KCNB2: variants seen among roughly 807,000 people sequenced by gnomAD.
KCNB2 encodes delayed rectifier potassium channel protein.
Under a neutral mutation model 61.5 loss-of-function variants are expected in KCNB2, and 15 were observed. The ratio of observed to expected loss-of-function variants is 0.24; its 90% CI spans 0.16 to 0.38. The LOEUF is 0.38. Among genes scored for constraint, KCNB2 ranks in the 10% least tolerant of loss-of-function variants. KCNB2 has a pLI of 1.00. For synonymous variants in KCNB2, 457 were observed against 446.0 expected (o/e 1.02, Z -0.31); for missense variants, 828 against 1,125.2 (o/e 0.74, Z 3.78).
In KCNB2 at chr8:72,540,805, G is replaced by A. The variant is rs952033710; in HGVS notation, c.-94+2920G>A. On this transcript the variant is annotated intron_variant, in intron 1 of 2. Coordinates refer to ENST00000523207, the MANE Select transcript of KCNB2 (RefSeq NM_004770.3). ...AAACCCTCTTATATTATCTTAAAAAGTGCGTATTCCTATAGGTTGAATTTT... is the reference window on the plus strand; with the variant it reads ...AAACCCTCTTATATTATCTTAAAAAATGCGTATTCCTATAGGTTGAATTTT... 9.2e-5 allele frequency among the ~76,000 whole-genome samples: 14 copies of A among 152,062 alleles called. 1 individual carries two copies. Among genetic ancestry groups the A allele is most frequent in the Non-Finnish European group, 2.9e-5 (2 of 67,964 alleles).
chr8:72,695,408 G>A (rs1257257521), intron 2 of KCNB2, among the ~76,000 whole-genome samples: 1 of 152,080 alleles, frequency 6.6e-6, no homozygotes, highest in Non-Finnish European at 1.5e-5. Context: ...TTCAAAATTA[G>A]GGACCAGGTA....
intron 2 of KCNB2, among the ~76,000 whole-genome samples, chr8:72,896,824 A>G (rs948530604): frequency 1.3e-5 from 2 of 152,128 alleles, no homozygotes; most frequent in African/African-American, 4.8e-5. Flanking sequence ...TCAAGAAATG[A>G]GTCATTCATA....
intron 2 of KCNB2, among the ~76,000 whole-genome samples, chr8:72,796,114 C>CATTA (rs1246894688): frequency 6.6e-6 from 1 of 152,206 alleles, no homozygotes; most frequent in Non-Finnish European, 1.5e-5. Flanking sequence ...GCATGCCTTA[C>CATTA]ATTAGGCAGC....
intron 2 of KCNB2, among the ~76,000 whole-genome samples, chr8:72,690,653 A>C (rs1239002380): frequency 6.6e-6 from 1 of 152,238 alleles, no homozygotes; most frequent in African/African-American, 2.4e-5. Flanking sequence ...ACTTTAAACA[A>C]CTTACCACAA....
chr8:72,741,619 C>T (rs1807961559), intron 2 of KCNB2, among the ~76,000 whole-genome samples: 1 of 151,916 alleles, frequency 6.6e-6, no homozygotes, highest in Admixed American at 6.6e-5. Context: ...ATTTTTATGC[C>T]TTTGCATCCT....
At chr8:72,588,838 G>A (rs1035616193) in intron 2 of KCNB2, among the ~76,000 whole-genome samples, 46 of 152,260 alleles carry the variant, frequency 3.0e-4, no homozygotes, top group African/African-American at 1.0e-3. Flanking sequence ...CAAGGCTGCT[G>A]TGAACTATGA....
At chr8:72,851,826 G>GACAAAAAAA (rs1810116075) in intron 2 of KCNB2, among the ~76,000 whole-genome samples, 1 of 43,868 alleles carries the variant, frequency 2.3e-5, no homozygotes, top group Admixed American at 4.2e-4. Flanking sequence ...GAAGCTGTAG[G>GACAAAAAAA]AAAAAAAAAA....
chr8:72,765,281 C>T (rs1336983062), intron 2 of KCNB2, among the ~76,000 whole-genome samples: 1 of 152,160 alleles, frequency 6.6e-6, no homozygotes, highest in Non-Finnish European at 1.5e-5. Context: ...CCTGTGAAGC[C>T]TTCAGATGGA....
At chr8:72,691,010 A>C (rs191239331) in intron 2 of KCNB2, among the ~76,000 whole-genome samples, 18 of 152,326 alleles carry the variant, frequency 1.2e-4, no homozygotes, top group Non-Finnish European at 2.2e-4. Context: ...TGCTGCATCA[A>C]TGGAGCCAAG....
intron 2 of KCNB2, among the ~76,000 whole-genome samples, chr8:72,911,894 CAT>C (rs1048729374): frequency 2.6e-5 from 4 of 152,180 alleles, no homozygotes; most frequent in African/African-American, 7.2e-5. Flanking sequence ...GGAACTAACA[CAT>C]GTCAAGTATT....
intron 2 of KCNB2, among the ~76,000 whole-genome samples, chr8:72,591,745 G>C (rs1284156521): frequency 6.6e-6 from 1 of 152,136 alleles, no homozygotes; most frequent in Non-Finnish European, 1.5e-5. Flanking sequence ...ATGGATTGAA[G>C]ATATTGTCAT....
chr8:72,828,950 G>C (rs199593649), intron 2 of KCNB2, among the ~76,000 whole-genome samples: 4 of 152,094 alleles, frequency 2.6e-5, no homozygotes, highest in Non-Finnish European at 5.9e-5. Flanking sequence ...GTTGACCTGT[G>C]TGCATTTATG....
intron 2 of KCNB2, among the ~76,000 whole-genome samples, chr8:72,796,194 GT>G (rs1347836016): frequency 6.6e-6 from 1 of 152,152 alleles, no homozygotes; most frequent in Admixed American, 6.6e-5. Flanking sequence ...GTTCAGGTTT[GT>G]TTGTCGTGGG....
chr8:72,798,486 T>A (rs1161740390), intron 2 of KCNB2, among the ~76,000 whole-genome samples: 1 of 152,122 alleles, frequency 6.6e-6, no homozygotes, highest in Non-Finnish European at 1.5e-5. Flanking sequence ...GTGGCCCTTC[T>A]ACTTCTACCT....
chr8:72,645,105 C>G (rs1436166362), intron 2 of KCNB2, among the ~76,000 whole-genome samples: 1 of 152,076 alleles, frequency 6.6e-6, no homozygotes, highest in South Asian at 2.1e-4. Flanking sequence ...TGATGCAGTC[C>G]ATTGCCAATG....
intron 2 of KCNB2, among the ~76,000 whole-genome samples, chr8:72,670,400 A>G (rs1806544981): frequency 2.0e-5 from 3 of 152,218 alleles, no homozygotes; most frequent in South Asian, 4.1e-4. Flanking sequence ...CATTTATTGT[A>G]GAATATCTGA....
At chr8:72,684,803 G>A (rs531611938) in intron 2 of KCNB2, among the ~76,000 whole-genome samples, 2 of 152,296 alleles carry the variant, frequency 1.3e-5, no homozygotes, top group African/African-American at 4.8e-5. Flanking sequence ...AAGTCACTGA[G>A]TAGATTTCTG....
intron 2 of KCNB2, among the ~76,000 whole-genome samples, chr8:72,727,441 C>T (rs955009621): frequency 3.3e-5 from 5 of 152,176 alleles, no homozygotes; most frequent in Non-Finnish European, 7.3e-5. Context: ...TATAGTAGCA[C>T]ATATGTATAA....
intron 2 of KCNB2, among the ~76,000 whole-genome samples, chr8:72,691,734 A>G (rs1585833062): frequency 6.6e-6 from 1 of 152,184 alleles, no homozygotes; most frequent in African/African-American, 2.4e-5. Flanking sequence ...TGATAGTTAC[A>G]TGCTTCATTC....
Sources: gnomAD v4.1 joint callset for allele counts (sites outside exome capture counted in the v4.1 genomes callset) on GRCh38, gnomAD v4.1.1 for gene constraint, MANE v1.5 for transcripts, NCBI Gene and HGNC (gene_info 2026-07-23, HGNC 2026-07-21) for gene names.